KIF4A: variants seen among roughly 807,000 people sequenced by gnomAD.
The protein encoded by KIF4A is kinesin family member 4A, also known as chromosome-associated kinesin KIF4A.
A neutral mutation model predicts 105.9 loss-of-function variants in KIF4A; 7 were observed. The observed-to-expected ratio is 0.07, with a 90% CI of 0.04 to 0.12. The LOEUF is 0.12. Among genes scored for constraint, KIF4A ranks in the 10% least tolerant of loss-of-function variants. KIF4A has a pLI of 1.00. For missense variants in KIF4A, 558 were observed against 929.2 expected (o/e 0.60, Z 5.19); for synonymous variants, 281 against 331.3 (o/e 0.85, Z 1.65).
intron 15 of KIF4A, among the ~76,000 whole-genome samples, chrX:70,365,895 C>A (rs889334251): frequency 8.1e-5 from 9 of 111,657 alleles, no homozygotes; most frequent in Non-Finnish European, 1.7e-4. Context: ...GGTTGGTAAG[C>A]TATTAATTAT....
At position 70,300,797 on chromosome X, in the gene KIF4A, A is replaced by T. The variant is rs540811183; in HGVS notation, c.517-1103A>T. Among the ~76,000 whole-genome samples, 159 of 111,976 alleles carry T rather than the reference A, an allele frequency of 1.4e-3. 2 individuals carry two copies. In the South Asian group the frequency reaches 0.056, roughly 40 times the overall value. ...GATATGTGAATTCATTCTTATAAGG[A>T]ATTCACCCTAACCTGGAGGTCAGGG... On this transcript the variant is annotated intron_variant, in intron 5 of 30. Coordinates refer to ENST00000374403, the MANE Select transcript of KIF4A (RefSeq NM_012310.5).
chrX:70,380,507 A>G (rs2086193370), intron 18 of KIF4A, among the ~76,000 whole-genome samples: 1 of 112,172 alleles, frequency 8.9e-6, no homozygotes, highest in African/African-American at 3.2e-5. Flanking sequence ...TCAAGAAACT[A>G]GGAATAGAAG....
intron 15 of KIF4A, among the ~76,000 whole-genome samples, chrX:70,372,076 T>C (rs868137435): frequency 5.2e-5 from 5 of 95,923 alleles, no homozygotes; most frequent in South Asian, 5.7e-4. Flanking sequence ...CCTCACTTCC[T>C]AGATGGGATG....
chrX:70,299,636 T>C (rs2085797153), intron 5 of KIF4A, among the ~76,000 whole-genome samples: 1 of 111,708 alleles, frequency 9.0e-6, no homozygotes, highest in African/African-American at 3.3e-5. Context: ...AGAGCACAGA[T>C]AGATACAGAA....
chrX:70,367,150 A>C, intron 15 of KIF4A, among the ~76,000 whole-genome samples: 1 of 111,096 alleles, frequency 9.0e-6, no homozygotes. Context: ...GTGTCTCTGC[A>C]CGTGAGATGG....
At chrX:70,407,805 C>T (rs938079749) in intron 28 of KIF4A, among the ~76,000 whole-genome samples, 4 of 112,389 alleles carry the variant, frequency 3.6e-5, no homozygotes, top group African/African-American at 6.5e-5. Flanking sequence ...CAGTGGCTCA[C>T]GCCTGTAATC....
intron 7 of KIF4A, among the ~76,000 whole-genome samples, chrX:70,320,584 A>G (rs780814533): frequency 2.4e-4 from 27 of 111,965 alleles, no homozygotes; most frequent in African/African-American, 8.8e-4. Flanking sequence ...AAAAAGACAA[A>G]TATTGCATAT....
rs186896526 is a variant in KIF4A, at chrX:70,384,651, G to T, written c.2035-1967G>T. ...AGGCAGGAGAATCGCTTGAACCCGGGAGGTGGAGGTTGCAGTGAGCAGAGA... is the reference window on the plus strand; with the variant it reads ...AGGCAGGAGAATCGCTTGAACCCGGTAGGTGGAGGTTGCAGTGAGCAGAGA... On this transcript the variant is annotated intron_variant, in intron 18 of 30. Coordinates refer to ENST00000374403, the MANE Select transcript of KIF4A (RefSeq NM_012310.5). Among the ~76,000 whole-genome samples, 337 of 110,408 alleles carry T rather than the reference G, an allele frequency of 3.1e-3. 2 individuals are homozygous for T. The highest frequency in any genetic ancestry group is 0.011 in the African/African-American group (328 of 30,424).
intron 7 of KIF4A, among the ~76,000 whole-genome samples, chrX:70,311,137 G>C (rs930419268): frequency 9.3e-6 from 1 of 107,293 alleles, no homozygotes; most frequent in Non-Finnish European, 1.9e-5. Context: ...AAAAAAAAAA[G>C]AAGAAGAAGA....
intron 9 of KIF4A, among the ~76,000 whole-genome samples, 183 bp from the exon 10 acceptor site, chrX:70,333,445 C>T (rs1389851148): frequency 8.9e-6 from 1 of 111,889 alleles, no homozygotes; most frequent in African/African-American, 3.2e-5. Context: ...GCTGATTTTC[C>T]TGTTATCATT....
At chrX:70,367,389 C>T (rs2086109170) in intron 15 of KIF4A, among the ~76,000 whole-genome samples, 1 of 111,734 alleles carries the variant, frequency 8.9e-6, no homozygotes. Flanking sequence ...TGGCTGGTCC[C>T]AGTTGTTCCT....
intron 13 of KIF4A, among the ~76,000 whole-genome samples, chrX:70,346,780 C>T (rs977945053): frequency 7.2e-5 from 8 of 111,505 alleles, no homozygotes; most frequent in African/African-American, 2.0e-4. Context: ...ATCTATTGTT[C>T]GGAGACCCTC....
chrX:70,291,297 T>C (rs774165978), intron 3 of KIF4A, among the ~76,000 whole-genome samples: 1 of 112,064 alleles, frequency 8.9e-6, no homozygotes, highest in African/African-American at 3.2e-5. Flanking sequence ...GTTAAAAATA[T>C]ACAACAGAGT....
rs202011451 is a variant in KIF4A at position 70,341,800 on chromosome X, G to A, written c.1135G>A (p.Val379Met). The change falls in exon 11 of 31, where the codon GTG becomes ATG. Residue 379 changes from valine to methionine, a missense_variant and splice_region_variant. Transcript: ENST00000374403. ...HGGTLPGSIT[V>M]EPSENLQSLM... is the part of the protein sequence containing the mutation. ...AATATGTTATTTACTTTGTTTTAGT[G>A]TGGAACCATCAGAGAATCTACAATC... is the stretch of plus-strand genomic sequence containing the variant. The A allele has an allele frequency of 2.3e-5, 28 of 1,206,153 alleles. No homozygotes were observed. The highest frequency in any genetic ancestry group is 3.5e-5 in the African/African-American group (2 of 57,203).
intron 5 of KIF4A, among the ~76,000 whole-genome samples, chrX:70,301,422 C>T (rs187791964): frequency 1.8e-5 from 2 of 111,417 alleles, no homozygotes; most frequent in East Asian, 5.6e-4. Flanking sequence ...AGCCTGGGGT[C>T]CTGTTTTCCT....
chrX:70,292,657 A>G (rs1268584220), intron 3 of KIF4A, among the ~76,000 whole-genome samples: 1 of 111,832 alleles, frequency 8.9e-6, no homozygotes, highest in Non-Finnish European at 1.9e-5. Context: ...AGTATTTGGA[A>G]AACCGTTAAG....
chrX:70,341,972 A>C, intron 11 of KIF4A, 41 bp downstream of exon 11: 2 of 1,174,264 alleles, frequency 1.7e-6, no homozygotes, highest in South Asian at 3.9e-5. Flanking sequence ...CTGAACATTT[A>C]CTAGCTTTAG....
intron 15 of KIF4A, among the ~76,000 whole-genome samples, chrX:70,358,636 C>A (rs1276156813): frequency 8.9e-6 from 1 of 111,759 alleles, no homozygotes; most frequent in African/African-American, 3.3e-5. Flanking sequence ...TTTGTTTCCT[C>A]CAGATTTCCT....
chrX:70,312,083 G>A (rs1440847581), intron 7 of KIF4A, among the ~76,000 whole-genome samples: 2 of 108,010 alleles, frequency 1.9e-5, no homozygotes, highest in Non-Finnish European at 3.8e-5. Flanking sequence ...TATTTATTTG[G>A]ATCAGGATAC....
Sources: gnomAD v4.1 joint callset for allele counts (sites outside exome capture counted in the v4.1 genomes callset) on GRCh38, gnomAD v4.1.1 for gene constraint, MANE v1.5 for transcripts, NCBI Gene and HGNC (gene_info 2026-07-23, HGNC 2026-07-21) for gene names.